RIT2: variants seen among roughly 807,000 people sequenced by gnomAD.
RIT2 encodes GTP-binding protein Rit2.
Under a neutral mutation model 23.7 loss-of-function variants are expected in RIT2, and 24 were observed. The observed-to-expected ratio is 1.01, with a 90% confidence interval of 0.73 to 1.43. The LOEUF is 1.43. RIT2 is among the 40% of genes most tolerant of loss of function. The pLI, the probability that RIT2 is intolerant of heterozygous loss-of-function variation, is 0.00. For missense variants in RIT2, 236 were observed against 266.9 expected (o/e 0.88, Z 0.81); for synonymous variants, 107 against 91.1 (o/e 1.17, Z -0.99).
chr18:42,955,252 C>A (rs1909945643), intron 3 of RIT2, among the ~76,000 whole-genome samples: 1 of 152,082 alleles, frequency 6.6e-6, no homozygotes. Flanking sequence ...TGTTGCAAAC[C>A]AAATTGTATG....
intron 3 of RIT2, among the ~76,000 whole-genome samples, chr18:42,964,184 C>T (rs995312268): frequency 2.0e-5 from 3 of 151,700 alleles, no homozygotes; most frequent in Non-Finnish European, 4.4e-5. Context: ...GGCCGAGACT[C>T]CATCTCAAAA....
chr18:43,106,655 A>G (rs1229288119), intron 1 of RIT2, among the ~76,000 whole-genome samples: 2 of 152,138 alleles, frequency 1.3e-5, no homozygotes, highest in Non-Finnish European at 2.9e-5. Context: ...TACATCCTTC[A>G]TGCATACTTT....
At chr18:42,784,457 G>C (rs1913880984) in intron 4 of RIT2, among the ~76,000 whole-genome samples, 1 of 151,876 alleles carries the variant, frequency 6.6e-6, no homozygotes, top group African/African-American at 2.4e-5. Flanking sequence ...TGTAGAATGG[G>C]AGCAATAGCA....
At chr18:43,097,117 G>C (rs1468598663) in intron 1 of RIT2, among the ~76,000 whole-genome samples, 1 of 151,784 alleles carries the variant, frequency 6.6e-6, no homozygotes, top group South Asian at 2.1e-4. Context: ...TGTAGACTAG[G>C]GATTCTCAAA....
chr18:42,821,936 T>C (rs561315350), intron 4 of RIT2, among the ~76,000 whole-genome samples: 1 of 152,236 alleles, frequency 6.6e-6, no homozygotes, highest in African/African-American at 2.4e-5. Context: ...ACTGTGACCA[T>C]TGAAAATACA....
intron 2 of RIT2, among the ~76,000 whole-genome samples, chr18:43,027,264 T>G (rs573178787): frequency 9.9e-5 from 15 of 152,226 alleles, no homozygotes; most frequent in Admixed American, 5.2e-4. Context: ...AGCAGCTTTA[T>G]AGCAAGGCAG....
At chr18:42,827,122 T>G (rs181996354) in intron 4 of RIT2, among the ~76,000 whole-genome samples, 4 of 152,140 alleles carry the variant, frequency 2.6e-5, no homozygotes, top group Non-Finnish European at 5.9e-5. Context: ...GTAATGCTAT[T>G]TGTCTATAGT....
chr18:42,922,309 T>C (rs1352108360), intron 4 of RIT2, among the ~76,000 whole-genome samples: 1 of 152,156 alleles, frequency 6.6e-6, no homozygotes, highest in Admixed American at 6.6e-5. Context: ...GAGACAACTA[T>C]TTGTTTTAGT....
chr18:42,891,598 T>C (rs1908176944), intron 4 of RIT2, among the ~76,000 whole-genome samples: 1 of 152,104 alleles, frequency 6.6e-6, no homozygotes, highest in Non-Finnish European at 1.5e-5. Context: ...GGGTAAGACA[T>C]GGAATAACTT....
At chr18:42,955,133 T>C (rs990064245) in intron 3 of RIT2, among the ~76,000 whole-genome samples, 2 of 152,026 alleles carry the variant, frequency 1.3e-5, no homozygotes, top group South Asian at 2.1e-4. Context: ...CAGAAAAAAA[T>C]AGTTGACCAT....
intron 4 of RIT2, among the ~76,000 whole-genome samples, chr18:42,902,396 C>T (rs1248747545): frequency 6.6e-6 from 1 of 151,650 alleles, no homozygotes; most frequent in African/African-American, 2.4e-5. Context: ...CAGAAAAGGA[C>T]AACAGATTGC....
At chr18:42,778,186 G>T (rs1913718972) in intron 4 of RIT2, among the ~76,000 whole-genome samples, 1 of 152,106 alleles carries the variant, frequency 6.6e-6, no homozygotes, top group African/African-American at 2.4e-5. Flanking sequence ...TAGTTAATTA[G>T]GTCTGGACTG....
At chr18:42,994,680 C>T (rs1910936502) in intron 2 of RIT2, among the ~76,000 whole-genome samples, 2 of 152,100 alleles carry the variant, frequency 1.3e-5, no homozygotes, top group African/African-American at 4.8e-5. Flanking sequence ...CGTCCTGTAG[C>T]CTTTTTGTCC....
chr18:42,749,937 G>C (rs1913007985), intron 4 of RIT2, among the ~76,000 whole-genome samples: 1 of 151,664 alleles, frequency 6.6e-6, no homozygotes, highest in South Asian at 2.1e-4. Context: ...GCAAAAACGA[G>C]CAAACAAAAA....
chr18:42,840,498 TTTTAAC>T, intron 4 of RIT2, among the ~76,000 whole-genome samples: 1 of 152,250 alleles, frequency 6.6e-6, no homozygotes, highest in Non-Finnish European at 1.5e-5. Context: ...CACACATTGC[TTTTAAC>T]TTTTTTATTT....
In RIT2 at chr18:42,758,809, C is replaced by A. The variant is rs536271746; in HGVS notation, c.427-15089G>T. On this transcript the variant is annotated intron_variant, in intron 4 of 4. Transcript: ENST00000326695. ...GGGATTACAGGCATGAGCCACCATACCTGGCCTGATTACCCTTTCTGAATA... is the reference window on the plus strand; with the variant it reads ...GGGATTACAGGCATGAGCCACCATAACTGGCCTGATTACCCTTTCTGAATA... Among the ~76,000 whole-genome samples, 40 of 152,074 alleles carry A rather than the reference C, an allele frequency of 2.6e-4. 1 individual carries two copies. The South Asian group carries it at 8.1e-3, about 31-fold the overall frequency.
intron 4 of RIT2, among the ~76,000 whole-genome samples, chr18:42,757,591 T>C (rs1312251863): frequency 6.6e-6 from 1 of 152,212 alleles, no homozygotes; most frequent in Non-Finnish European, 1.5e-5. Context: ...CTACGTTTTC[T>C]GGCCTTACAC....
At chr18:42,861,223 C>T (rs1053998564) in intron 4 of RIT2, among the ~76,000 whole-genome samples, 2 of 152,230 alleles carry the variant, frequency 1.3e-5, no homozygotes, top group Non-Finnish European at 2.9e-5. Context: ...ATCTCCTCCA[C>T]TTACAGCTAC....
intron 2 of RIT2, among the ~76,000 whole-genome samples, chr18:43,021,521 G>A (rs563213101): frequency 2.0e-5 from 3 of 152,184 alleles, no homozygotes; most frequent in African/African-American, 7.2e-5. Flanking sequence ...GTTGGAGGTG[G>A]GGCTTGGAGA....
Sources: gnomAD v4.1 joint callset for allele counts (sites outside exome capture counted in the v4.1 genomes callset) on GRCh38, gnomAD v4.1.1 for gene constraint, MANE v1.5 for transcripts, NCBI Gene and HGNC (gene_info 2026-07-23, HGNC 2026-07-21) for gene names.